Variants in GRIK1 observed in about 807,000 individuals in gnomAD.
GRIK1 encodes glutamate ionotropic receptor kainate type subunit 1.
Under a neutral mutation model 105.7 loss-of-function variants are expected in GRIK1, and 69 were observed. The ratio of observed to expected loss-of-function variants is 0.65; its 90% CI spans 0.54 to 0.80. The LOEUF (loss-of-function observed/expected upper bound fraction) is 0.80, where lower values mean the gene tolerates loss of function less well. Among genes scored for constraint, GRIK1 ranks in the 30% least tolerant of loss-of-function variants. The probability of loss-of-function intolerance (pLI) is 0.00; values close to 1 mark genes in which losing one functional copy is unlikely to be tolerated. For missense variants in GRIK1, 1,109 were observed against 1,167.3 expected, an observed-to-expected ratio of 0.95 and a Z score of 0.73; for synonymous variants, 438 against 431.3, an observed-to-expected ratio of 1.02 and a Z score of -0.19.
At chr21:29,695,386 G>A (rs2063674914) in intron 1 of GRIK1, among the ~76,000 whole-genome samples, 1 of 151,974 alleles carries the variant, frequency 6.6e-6, no homozygotes, top group Non-Finnish European at 1.5e-5. Flanking sequence ...GATGCTCATG[G>A]AATGCTAAAC....
At chr21:29,751,620 T>G (rs766433638) in intron 1 of GRIK1, among the ~76,000 whole-genome samples, 1 of 152,180 alleles carries the variant, frequency 6.6e-6, no homozygotes, top group Non-Finnish European at 1.5e-5. Flanking sequence ...CATAAGTCCT[T>G]CTTTATTTCT....
Position 29,886,102 on chromosome 21 carries a change from T to A in GRIK1, c.118+53281A>T, listed in dbSNP as rs139433317. ...CAAAATGCTCAATAAACAAGGCACT[T>A]TCCTCCCAAATGACACAAGAGTCAA... On this transcript the variant is annotated intron_variant, in intron 1 of 17. Coordinates refer to ENST00000327783, the MANE Select transcript of GRIK1 (RefSeq NM_001330994.2). Among the ~76,000 whole-genome samples the A allele has an allele frequency of 2.0e-4, 31 of 152,242 alleles. No homozygotes were observed. The East Asian group carries it at 4.2e-3, about 21-fold the overall frequency.
In GRIK1 at chr21:29,866,649, A is replaced by G. The variant is rs146516654; in HGVS notation, c.118+72734T>C. ...TGAAAACAAAAGAAGTGGGGATGACACTTCTGATGAACTGAGCAAGTACAA... is the reference window on the plus strand; with the variant it reads ...TGAAAACAAAAGAAGTGGGGATGACGCTTCTGATGAACTGAGCAAGTACAA... On this transcript the variant is annotated intron_variant, in intron 1 of 17. Coordinates refer to ENST00000327783, the MANE Select transcript of GRIK1 (RefSeq NM_001330994.2). 6.3e-3 allele frequency among the ~76,000 whole-genome samples: 953 copies of G among 152,294 alleles called. 11 individuals carry two copies. Among genetic ancestry groups the G allele is most frequent in the African/African-American group, 0.022 (899 of 41,566 alleles).
intron 4 of GRIK1, among the ~76,000 whole-genome samples, chr21:29,655,298 C>T (rs2062827558): frequency 6.6e-6 from 1 of 152,072 alleles, no homozygotes; most frequent in Non-Finnish European, 1.5e-5. Context: ...ATCCCAGCTA[C>T]TCGGGAGGCT....
chr21:29,708,091 A>T (rs1312259258), intron 1 of GRIK1, among the ~76,000 whole-genome samples: 1 of 152,158 alleles, frequency 6.6e-6, no homozygotes, highest in African/African-American at 2.4e-5. Context: ...AGGCTGAGCA[A>T]TTTATATGTG....
At chr21:29,894,213 G>A (rs1249935331) in intron 1 of GRIK1, among the ~76,000 whole-genome samples, 3 of 152,104 alleles carry the variant, frequency 2.0e-5, no homozygotes, top group African/African-American at 7.2e-5. Flanking sequence ...ATGATCATAA[G>A]GTAAAGTCCC....
rs367601273 is a variant in GRIK1, at chr21:29,912,666, ATATT to A, written c.118+26713_118+26716del. ...CTGGATATAGAGAGTGTGATAAAAA[ATATT>A]TATCCAGAATTTTAATACATCTCAA... On this transcript the variant is annotated intron_variant, in intron 1 of 17. Transcript: ENST00000327783. 1.8e-3 allele frequency among the ~76,000 whole-genome samples: 270 copies of A among 152,182 alleles called. 1 individual carries two copies. The highest frequency in any genetic ancestry group is 6.2e-3 in the African/African-American group (258 of 41,536).
chr21:29,797,552 T>C (rs1264123594), intron 1 of GRIK1, among the ~76,000 whole-genome samples: 9 of 152,216 alleles, frequency 5.9e-5, no homozygotes, highest in Admixed American at 5.9e-4. Flanking sequence ...AATTCCTGCC[T>C]GGACAAAATA....
intron 1 of GRIK1, among the ~76,000 whole-genome samples, chr21:29,746,493 GTTTC>G (rs2065051966): frequency 1.3e-5 from 2 of 152,190 alleles, no homozygotes; most frequent in Non-Finnish European, 2.9e-5. Context: ...TGGTCTCCCT[GTTTC>G]TTTCTCTCTC....
chr21:29,840,504 A>G (rs567907550), intron 1 of GRIK1, among the ~76,000 whole-genome samples: 21 of 152,288 alleles, frequency 1.4e-4, no homozygotes, highest in African/African-American at 4.6e-4. Context: ...GTAGCTATTT[A>G]TCCCACTGGA....
intron 4 of GRIK1, among the ~76,000 whole-genome samples, chr21:29,661,278 T>C (rs1480296226): frequency 6.6e-6 from 1 of 152,218 alleles, no homozygotes; most frequent in Non-Finnish European, 1.5e-5. Flanking sequence ...AAATAATGGT[T>C]CTCTAAAGAT....
chr21:29,753,325 TG>T (rs2065252685), intron 1 of GRIK1, among the ~76,000 whole-genome samples: 2 of 152,216 alleles, frequency 1.3e-5, no homozygotes, highest in Admixed American at 6.5e-5. Context: ...AGGTAATTAA[TG>T]GGAAGATTTT....
intron 1 of GRIK1, among the ~76,000 whole-genome samples, chr21:29,704,227 C>G (rs2146781003): frequency 6.6e-6 from 1 of 152,270 alleles, no homozygotes; most frequent in East Asian, 1.9e-4. Context: ...CTGCCCTCAG[C>G]AGAGCTTCCA....
chr21:29,739,534 G>A (rs1203143051), intron 1 of GRIK1, among the ~76,000 whole-genome samples: 2 of 152,202 alleles, frequency 1.3e-5, no homozygotes, highest in African/African-American at 2.4e-5. Context: ...AGCCAGGGCA[G>A]TTAGCTGGTT....
intron 1 of GRIK1, among the ~76,000 whole-genome samples, chr21:29,701,388 A>C (rs2063809708): frequency 6.6e-6 from 1 of 152,198 alleles, no homozygotes; most frequent in Admixed American, 6.5e-5. Flanking sequence ...GAAGAGCGTT[A>C]CAGCCAGGGG....
In GRIK1 at chr21:29,560,341, TTCTTTCTTTCTTTCTTTTTC is replaced by T. The variant is rs1284503841; in HGVS notation, c.2356+1263_2356+1282del. 2.6e-4 allele frequency among the ~76,000 whole-genome samples: 30 copies of T among 117,158 alleles called. 1 individual carries two copies. The highest frequency in any genetic ancestry group is 7.9e-4 in the African/African-American group (22 of 27,852). 76.9% of individuals were successfully genotyped at this position (117,158 alleles called of 152,430 possible). On this transcript the variant is annotated intron_variant, in intron 15 of 17. Transcript: ENST00000327783. ...TTTCTTTCTTTCTTTCTTTCTTTCT[TTCTTTCTTTCTTTCTTTTTC>T]TTTCTTCCTTCCTTCCTTCCTTCCT... is the stretch of plus-strand genomic sequence containing the variant.
At chr21:29,748,487 C>T (rs139008622) in intron 1 of GRIK1, among the ~76,000 whole-genome samples, 3 of 152,330 alleles carry the variant, frequency 2.0e-5, no homozygotes, top group South Asian at 2.1e-4. Flanking sequence ...AACCCAAATG[C>T]ATGGCTCCTT....
intron 1 of GRIK1, among the ~76,000 whole-genome samples, chr21:29,886,993 G>A (rs2146203950): frequency 6.6e-6 from 1 of 152,292 alleles, no homozygotes; most frequent in East Asian, 1.9e-4. Flanking sequence ...TTAAGGCATA[G>A]CTCATTAAAA....
chr21:29,591,356 C>T, intron 9 of GRIK1, 131 bp from the exon 10 acceptor site: 1 of 691,796 alleles, frequency 1.4e-6, no homozygotes, highest in South Asian at 1.6e-5. Flanking sequence ...ACAGTGGAAG[C>T]TACTAAACGT....
Sources: allele counts gnomAD v4.1 joint callset (sites outside exome capture counted in the v4.1 genomes callset), GRCh38; gene constraint gnomAD v4.1.1; transcripts MANE v1.5; gene names NCBI Gene and HGNC (gene_info 2026-07-23, HGNC 2026-07-21).